The following GALNT13 variants were observed in gnomAD, a reference collection of about 807,000 sequenced individuals.
The protein encoded by GALNT13 is polypeptide N-acetylgalactosaminyltransferase 13.
Under a neutral mutation model 64.2 loss-of-function variants are expected in GALNT13, and 28 were observed. The observed-to-expected ratio is 0.44, with a 90% CI of 0.32 to 0.60. GALNT13 has a LOEUF of 0.60. GALNT13 is among the 20% of genes least tolerant of loss of function. The probability of loss-of-function intolerance (pLI) is 0.05; values close to 1 mark genes in which losing one functional copy is unlikely to be tolerated. For synonymous variants in GALNT13, 214 were observed against 224.6 expected, an observed-to-expected ratio of 0.95 and a Z score of 0.42; for missense variants, 577 against 669.8, an observed-to-expected ratio of 0.86 and a Z score of 1.53.
chr2:153,454,311 T>G, the GALNT13 span, among the ~76,000 whole-genome samples: 4 of 152,194 alleles, frequency 2.6e-5, no homozygotes, highest in Admixed American at 6.5e-5. Context: ...TAACTTTAGC[T>G]TCTTTACTAA....
chr2:154,213,953 C>A (rs1436389025), intron 4 of GALNT13, among the ~76,000 whole-genome samples: 1 of 152,086 alleles, frequency 6.6e-6, no homozygotes, highest in Non-Finnish European at 1.5e-5. Flanking sequence ...ACTACACAAA[C>A]TTTTCATTGT....
At chr2:154,225,481 C>T (rs1156768264) in intron 4 of GALNT13, among the ~76,000 whole-genome samples, 4 of 151,940 alleles carry the variant, frequency 2.6e-5, no homozygotes, top group African/African-American at 4.8e-5. Context: ...TTTCATTCAG[C>T]AATTTAATTT....
chr2:153,689,063 C>CGTGTGTGT, the GALNT13 span, among the ~76,000 whole-genome samples: 15 of 66,406 alleles, frequency 2.3e-4, no homozygotes, highest in East Asian at 8.7e-4. Context: ...TGCTAAACCG[C>CGTGTGTGT]GTGTGTATGT....
the GALNT13 span, among the ~76,000 whole-genome samples, chr2:153,199,365 A>T: frequency 6.6e-6 from 1 of 151,954 alleles, no homozygotes; most frequent in African/African-American, 2.4e-5. Context: ...ATTATCCCTC[A>T]CTCATCCCGG....
At chr2:153,345,712 T>TTCCTTC in the GALNT13 span, among the ~76,000 whole-genome samples, 113 of 127,100 alleles carry the variant, frequency 8.9e-4, no homozygotes, top group Admixed American at 4.0e-3. Flanking sequence ...TCTCTTTCTC[T>TTCCTTC]CTTTCTGTCC....
chr2:154,376,978 G>A (rs1041832435), intron 9 of GALNT13, among the ~76,000 whole-genome samples: 10 of 152,182 alleles, frequency 6.6e-5, no homozygotes, highest in African/African-American at 1.9e-4. Flanking sequence ...GGTTACTGTA[G>A]AACTTATTTT....
At chr2:154,183,843 C>A (rs1247580029) in intron 4 of GALNT13, among the ~76,000 whole-genome samples, 1 of 151,564 alleles carries the variant, frequency 6.6e-6, no homozygotes, top group African/African-American at 2.4e-5. Flanking sequence ...TCATTACTAT[C>A]TTTACTATGT....
chr2:153,257,902 A>T, the GALNT13 span, among the ~76,000 whole-genome samples: 1 of 152,202 alleles, frequency 6.6e-6, no homozygotes, highest in African/African-American at 2.4e-5. Flanking sequence ...TGACTTATAC[A>T]GCCAATAAAA....
chr2:153,170,512 C>T, the GALNT13 span, among the ~76,000 whole-genome samples: 1 of 152,116 alleles, frequency 6.6e-6, no homozygotes, highest in African/African-American at 2.4e-5. Context: ...CAGGTGATTT[C>T]TGACAATAGA....
At chr2:154,347,317 AGAT>A (rs1479724189) in intron 9 of GALNT13, among the ~76,000 whole-genome samples, 11 of 152,150 alleles carry the variant, frequency 7.2e-5, no homozygotes, top group African/African-American at 2.7e-4. Flanking sequence ...ACTGCATAAA[AGAT>A]GATGATACCA....
the GALNT13 span, among the ~76,000 whole-genome samples, chr2:153,202,429 A>G: frequency 6.6e-6 from 1 of 152,246 alleles, no homozygotes; most frequent in African/African-American, 2.4e-5. Flanking sequence ...GAAGCAGTAG[A>G]GAAGAGCACA....
At chr2:153,514,347 T>C in the GALNT13 span, among the ~76,000 whole-genome samples, 1 of 152,214 alleles carries the variant, frequency 6.6e-6, no homozygotes, top group Non-Finnish European at 1.5e-5. Flanking sequence ...ATCTTCCTGC[T>C]TCATTTTGCT....
the GALNT13 span, among the ~76,000 whole-genome samples, chr2:153,222,987 C>T: frequency 6.6e-6 from 1 of 152,240 alleles, no homozygotes; most frequent in African/African-American, 2.4e-5. Context: ...GGGGGTGTGA[C>T]TTCCGCCTGT....
chr2:154,003,502 G>A (rs997088824), intron 3 of GALNT13, among the ~76,000 whole-genome samples: 2 of 152,134 alleles, frequency 1.3e-5, no homozygotes, highest in South Asian at 2.1e-4. Context: ...CTTTCTAGGT[G>A]TACTTTTGTT....
chr2:153,127,087 AAAAT>A, the GALNT13 span, among the ~76,000 whole-genome samples: 3 of 152,234 alleles, frequency 2.0e-5, no homozygotes, highest in Non-Finnish European at 4.4e-5. Context: ...AAGCTACAAA[AAAAT>A]CTTTGAATTA....
intron 3 of GALNT13, among the ~76,000 whole-genome samples, chr2:154,055,112 T>C (rs1699832250): frequency 6.6e-6 from 1 of 152,062 alleles, no homozygotes; most frequent in Admixed American, 6.5e-5. Flanking sequence ...TATTTATTCA[T>C]ATTATTTCCC....
the GALNT13 span, among the ~76,000 whole-genome samples, chr2:153,222,349 C>A: frequency 4.9e-5 from 1 of 20,240 alleles, no homozygotes. Flanking sequence ...GGGGGTTGGG[C>A]TTATAGGCTT....
intron 4 of GALNT13, among the ~76,000 whole-genome samples, chr2:154,229,100 C>T (rs946014715): frequency 9.2e-5 from 14 of 151,642 alleles, no homozygotes; most frequent in Non-Finnish European, 1.2e-4. Flanking sequence ...TTTTTCTTGG[C>T]ACTTCAGTTC....
At chr2:154,437,474 A>C (rs769806098) in intron 11 of GALNT13, 15 of 1,144,366 alleles carry the variant, frequency 1.3e-5, no homozygotes, top group Non-Finnish European at 1.6e-5. Context: ...TTCTGTTGAC[A>C]TTGCAAGGAG....
Sources: gnomAD v4.1 joint callset for allele counts (sites outside exome capture counted in the v4.1 genomes callset) on GRCh38, gnomAD v4.1.1 for gene constraint, MANE v1.5 for transcripts, NCBI Gene and HGNC (gene_info 2026-07-23, HGNC 2026-07-21) for gene names.